Variants in ZNF253 observed in about 807,000 individuals in gnomAD.
ZNF253 encodes zinc finger protein 253.
In ZNF253, 8 loss-of-function variants were observed where a neutral mutation model predicts 11.9. The observed-to-expected ratio is 0.67, with a 90% CI of 0.40 to 1.22. The LOEUF (loss-of-function observed/expected upper bound fraction) is 1.22. Among genes scored for constraint, ZNF253 ranks in the 50% most tolerant of loss-of-function variants. ZNF253 has a pLI of 0.01. For missense variants in ZNF253, 485 were observed against 586.9 expected, an observed-to-expected ratio of 0.83 and a Z score of 1.79; for synonymous variants, 194 against 194.9, an observed-to-expected ratio of 1.00 and a Z score of 0.04.
rs983120073 is a variant in ZNF253, at chr19:19,892,852, C to T, written c.*105C>T. On this transcript the variant is annotated 3_prime_UTR_variant, in exon 4 of 4. Coordinates refer to ENST00000589717, the MANE Select transcript of ZNF253 (RefSeq NM_021047.3). ...GAGTTTATATGGAACACAAACCCTA[C>T]AAATATAAAGAATGTGACAAAGCTT... The T allele has an allele frequency of 7.4e-6, 8 of 1,073,912 alleles. No homozygotes were observed. In the African/African-American group the frequency reaches 1.3e-4, roughly 17 times the overall value. 66.5% of individuals were successfully genotyped at this position (1,073,912 alleles called of 1,614,324 possible).
chr19:19,872,157 T>G (rs2063136265), intron 1 of ZNF253, among the ~76,000 whole-genome samples: 1 of 152,174 alleles, frequency 6.6e-6, no homozygotes, highest in African/African-American at 2.4e-5. Context: ...GACCTGAAAC[T>G]GATTCAGACA....
chr19:19,875,711 C>T (rs1182810284), intron 1 of ZNF253, among the ~76,000 whole-genome samples: 3 of 152,032 alleles, frequency 2.0e-5, no homozygotes, highest in African/African-American at 7.2e-5. Context: ...CTCTTTCTTT[C>T]TTTATCTTGA....
chr19:19,890,360 A>G (rs1319416914), intron 3 of ZNF253, among the ~76,000 whole-genome samples: 1 of 152,170 alleles, frequency 6.6e-6, no homozygotes, highest in Non-Finnish European at 1.5e-5. Context: ...TCATTCTAAC[A>G]TATCACTGTT....
chr19:19,891,626 G>A lies in ZNF253; in HGVS notation c.379G>A (p.Gly127Arg). ...CGTGGGTGAGCATAAGGTGCACAAAGGAGGTTATAATGGACTTAACCAATG... is the reference window on the plus strand; with the variant it reads ...CGTGGGTGAGCATAAGGTGCACAAAAGAGGTTATAATGGACTTAACCAATG... ...KSVGEHKVHK[G>R]GYNGLNQCLT... The change falls in exon 4 of 4, where the codon GGA (glycine) becomes AGA (arginine). Residue 127 changes from glycine to arginine, a missense_variant. Physicochemically the swap from Gly to Arg is moderately radical, Grantham distance 125 (BLOSUM62 -2). Transcript: ENST00000589717. The A allele has an allele frequency of 1.9e-5, 30 of 1,614,094 alleles. No individual in the cohort carries two copies. The highest frequency in any genetic ancestry group is 2.5e-5 in the Non-Finnish European group (30 of 1,180,004).
intron 1 of ZNF253, among the ~76,000 whole-genome samples, chr19:19,874,574 T>C (rs575768190): frequency 2.0e-5 from 3 of 150,656 alleles, no homozygotes; most frequent in South Asian, 2.1e-4. Flanking sequence ...TGCATAGTAG[T>C]GTATAGTATA....
chr19:19,884,012 G>A (rs957241874), intron 3 of ZNF253, among the ~76,000 whole-genome samples: 2 of 150,716 alleles, frequency 1.3e-5, no homozygotes, highest in African/African-American at 4.9e-5. Flanking sequence ...AGCCAAGATC[G>A]GGCCATTGCA....
intron 3 of ZNF253, among the ~76,000 whole-genome samples, chr19:19,880,471 AAGGC>A (rs1478170318): frequency 1.3e-5 from 2 of 152,094 alleles, no homozygotes; most frequent in Non-Finnish European, 2.9e-5. Flanking sequence ...GTGGGAGGCC[AAGGC>A]AGGTGGATCA....
At chr19:19,887,072 G>A (rs2063209218) in intron 3 of ZNF253, among the ~76,000 whole-genome samples, 1 of 151,800 alleles carries the variant, frequency 6.6e-6, no homozygotes. Context: ...AATAATACCA[G>A]TCTATGTCTC....
chr19:19,867,251 A>G (rs1349917853), intron 1 of ZNF253, among the ~76,000 whole-genome samples: 2 of 152,228 alleles, frequency 1.3e-5, no homozygotes, highest in African/African-American at 4.8e-5. Flanking sequence ...TTCTGAAATA[A>G]TGGTCTACAG....
At chr19:19,877,606 C>G (rs990989469) in intron 1 of ZNF253, among the ~76,000 whole-genome samples, 6 of 152,120 alleles carry the variant, frequency 3.9e-5, no homozygotes, top group African/African-American at 1.2e-4. Flanking sequence ...AACTCCCGAC[C>G]TCAGGTGACC....
chr19:19,870,791 G>A (rs991021747), intron 1 of ZNF253: 3 of 152,156 alleles, frequency 2.0e-5, no homozygotes, highest in African/African-American at 2.4e-5. Context: ...TAGGAGATGA[G>A]AGAGCAGCAG....
intron 3 of ZNF253, among the ~76,000 whole-genome samples, chr19:19,886,703 C>G (rs2122133213): frequency 6.6e-6 from 1 of 152,306 alleles, no homozygotes; most frequent in South Asian, 2.1e-4. Flanking sequence ...TTCCTGAAAT[C>G]CTCACCAGAA....
Position 19,892,845 on chromosome 19 carries a change from A to G in ZNF253, c.*98A>G, listed in dbSNP as rs2063239606. 1 of 1,115,734 alleles carries G rather than the reference A, an allele frequency of 9.0e-7. No homozygotes were observed. Among genetic ancestry groups the G allele is most frequent in the Admixed American group, 2.6e-5 (1 of 39,068 alleles). The allele number at this position is 1,115,734 out of a possible 1,614,324, so 69.1% of individuals were successfully genotyped here. Reference sequence around the variant, plus strand: ...AATTTGAGAGTTTATATGGAACACAAACCCTACAAATATAAAGAATGTGAC... The same window carrying G: ...AATTTGAGAGTTTATATGGAACACAGACCCTACAAATATAAAGAATGTGAC... On this transcript the variant is annotated 3_prime_UTR_variant, in exon 4 of 4. Transcript: ENST00000589717.
chr19:19,866,895 G>A (rs1185472283), intron 1 of ZNF253, among the ~76,000 whole-genome samples: 1 of 152,164 alleles, frequency 6.6e-6, no homozygotes, highest in Non-Finnish European at 1.5e-5. Context: ...GTCGCAGATT[G>A]GAACAGGCGG....
At chr19:19,885,567 ATTT>A (rs2063203274) in intron 3 of ZNF253, among the ~76,000 whole-genome samples, 1 of 151,180 alleles carries the variant, frequency 6.6e-6, no homozygotes. Context: ...AGTTTTTTGT[ATTT>A]TTAATAGAGA....
chr19:19,892,324 G>C lies in ZNF253; in HGVS notation c.1077G>C (p.Lys359Asn), dbSNP rs1240096487. ...FHLSSHLTTH[K>N]ILHTGEKPYR... ...TATCCTCACACCTTACTACACATAA[G>C]ATACTTCATACTGGAGAGAAACCCT... The change falls in exon 4 of 4, where the codon AAG becomes AAC. Residue 359 changes from lysine to asparagine, a missense_variant. Coordinates refer to ENST00000589717, the MANE Select transcript of ZNF253 (RefSeq NM_021047.3). 3 of 1,611,572 alleles carry C rather than the reference G, an allele frequency of 1.9e-6. No individual in the cohort carries two copies. The highest frequency in any genetic ancestry group is 2.7e-5 in the African/African-American group (2 of 74,806).
upstream of ZNF253, chr19:19,865,862 C>T: frequency 3.4e-6 from 4 of 1,184,040 alleles, no homozygotes; most frequent in African/African-American, 3.0e-5. Flanking sequence ...CTTTGTTTCT[C>T]GCTGCAGCGG....
At chr19:19,866,109 G>A (rs113191396) in intron 1 of ZNF253, 110 bp downstream of exon 1, 48,553 of 1,457,464 alleles carry the variant, frequency 0.033, 1,702 homozygotes, top group African/African-American at 0.12. Context: ...ATCTGCCGCC[G>A]GAGTTCTCCC....
Position 19,892,857 on chromosome 19 carries a change from A to G in ZNF253, c.*110A>G. On this transcript the variant is annotated 3_prime_UTR_variant, in exon 4 of 4. Coordinates refer to ENST00000589717, the MANE Select transcript of ZNF253 (RefSeq NM_021047.3). ...TATATGGAACACAAACCCTACAAAT[A>G]TAAAGAATGTGACAAAGCTTTTTAA... 9.6e-7 allele frequency: 1 copy of G among 1,044,290 alleles called. No individual in the cohort carries two copies. The highest frequency in any genetic ancestry group is 1.4e-6 in the Non-Finnish European group (1 of 719,668). The allele number at this position is 1,044,290 out of a possible 1,614,324, so 64.7% of individuals were successfully genotyped here.
Sources: allele counts gnomAD v4.1 joint callset (sites outside exome capture counted in the v4.1 genomes callset), GRCh38; gene constraint gnomAD v4.1.1; transcripts MANE v1.5; gene names NCBI Gene and HGNC (gene_info 2026-07-23, HGNC 2026-07-21).